The following ADAMTSL1 variants were observed in gnomAD, a reference collection of about 807,000 sequenced individuals.
The protein encoded by ADAMTSL1 is ADAMTS-like protein 1.
ADAMTSL1 carries 126 observed loss-of-function variants against 201.8 expected under a neutral mutation model. That is an observed-to-expected ratio of 0.62 (90% CI 0.54 to 0.72). The LOEUF (loss-of-function observed/expected upper bound fraction) is 0.72, where lower values mean the gene tolerates loss of function less well. Among genes scored for constraint, ADAMTSL1 ranks in the 30% least tolerant of loss-of-function variants. The probability of loss-of-function intolerance (pLI) is 0.00; values close to 1 mark genes in which losing one functional copy is unlikely to be tolerated. For missense variants in ADAMTSL1, 2,679 were observed against 2,277.8 expected (o/e 1.18, Z -3.59); for synonymous variants, 1,121 against 903.4 (o/e 1.24, Z -4.32).
chr9:18,635,813 C>G lies in ADAMTSL1; in HGVS notation c.602-130C>G, dbSNP rs41302220. On this transcript the variant is annotated intron_variant, in intron 5 of 28. Transcript: ENST00000380548. The stretch of plus-strand genomic sequence containing the variant: ...GAAAATGTTGATTTCTAAATATTGG[C>G]CTTCACATTTCAAACACTTAAAAAA... 2,869 of 681,062 alleles carry G rather than the reference C, an allele frequency of 4.2e-3. 16 individuals are homozygous for G. The highest frequency in any genetic ancestry group is 5.5e-3 in the Middle Eastern group (19 of 3,470). 42.2% of individuals were successfully genotyped at this position (681,062 alleles called of 1,614,324 possible).
chr9:18,121,062 A>T (rs890898035), intron 1 of ADAMTSL1, among the ~76,000 whole-genome samples: 6 of 152,152 alleles, frequency 3.9e-5, no homozygotes, highest in Admixed American at 3.9e-4. Flanking sequence ...ATTTTAAAAA[A>T]CCGTAGTTTA....
At chr9:18,833,837 C>G (rs1227428928) in intron 23 of ADAMTSL1, among the ~76,000 whole-genome samples, 1 of 152,130 alleles carries the variant, frequency 6.6e-6, no homozygotes, top group Non-Finnish European at 1.5e-5. Context: ...ACATTTAAGT[C>G]TTCAATCCAT....
intron 1 of ADAMTSL1, among the ~76,000 whole-genome samples, chr9:18,500,630 T>G (rs1447690480): frequency 6.6e-6 from 1 of 152,174 alleles, no homozygotes; most frequent in East Asian, 1.9e-4. Flanking sequence ...CTCAGGCGCT[T>G]CTTCTCTCAG....
chr9:18,255,710 C>G (rs1192173467), intron 2 of ADAMTSL1, among the ~76,000 whole-genome samples: 1 of 152,070 alleles, frequency 6.6e-6, no homozygotes, highest in Non-Finnish European at 1.5e-5. Flanking sequence ...TTTTCATATG[C>G]TGTTATTAAA....
chr9:18,116,908 C>T (rs1825275046), intron 1 of ADAMTSL1, among the ~76,000 whole-genome samples: 1 of 152,180 alleles, frequency 6.6e-6, no homozygotes, highest in South Asian at 2.1e-4. Context: ...GGACATCTCA[C>T]ATTTAAGTAT....
At chr9:18,071,537 A>G (rs7859417) in intron 1 of ADAMTSL1, among the ~76,000 whole-genome samples, 1,967 of 152,364 alleles carry the variant, frequency 0.013, 50 homozygotes, top group African/African-American at 0.044. Context: ...TTACTAGACT[A>G]TAACAATGCT....
intron 2 of ADAMTSL1, among the ~76,000 whole-genome samples, chr9:18,313,126 C>T (rs1476722894): frequency 6.6e-6 from 1 of 152,222 alleles, no homozygotes; most frequent in Non-Finnish European, 1.5e-5. Context: ...TGCTGGGCTA[C>T]ACTTCCAGAA....
chr9:18,486,830 G>A (rs754944235), intron 1 of ADAMTSL1, among the ~76,000 whole-genome samples: 2 of 152,198 alleles, frequency 1.3e-5, no homozygotes, highest in Non-Finnish European at 2.9e-5. Flanking sequence ...GTCTGAGGCT[G>A]TAGTAGTTTC....
At chr9:18,239,005 C>T (rs1830954949) in intron 2 of ADAMTSL1, among the ~76,000 whole-genome samples, 1 of 152,160 alleles carries the variant, frequency 6.6e-6, no homozygotes, top group Admixed American at 6.5e-5. Flanking sequence ...TTACACTATA[C>T]TGTAATCTAT....
At chr9:18,039,665 A>G (rs760911962) in intron 1 of ADAMTSL1, among the ~76,000 whole-genome samples, 7 of 152,194 alleles carry the variant, frequency 4.6e-5, no homozygotes, top group Admixed American at 2.0e-4. Context: ...GGAAAAGTCA[A>G]GTTAATGCTG....
At chr9:18,377,506 G>A (rs1837351805) in intron 2 of ADAMTSL1, among the ~76,000 whole-genome samples, 2 of 152,214 alleles carry the variant, frequency 1.3e-5, no homozygotes, top group South Asian at 4.2e-4. Flanking sequence ...AATTCATCAG[G>A]AGGGAATTTC....
At chr9:18,411,097 C>A (rs911207416) in intron 2 of ADAMTSL1, among the ~76,000 whole-genome samples, 1 of 151,446 alleles carries the variant, frequency 6.6e-6, no homozygotes, top group African/African-American at 2.4e-5. Flanking sequence ...CTCCTGACCT[C>A]ATCATCCACC....
chr9:18,740,476 A>C (rs525278), intron 15 of ADAMTSL1, among the ~76,000 whole-genome samples: 3 of 129,406 alleles, frequency 2.3e-5, no homozygotes, highest in Non-Finnish European at 4.7e-5. Context: ...TTTTTCTTTT[A>C]TCTTTTTTTT....
At chr9:18,391,330 T>A (rs946096738) in intron 2 of ADAMTSL1, among the ~76,000 whole-genome samples, 1 of 152,238 alleles carries the variant, frequency 6.6e-6, no homozygotes, top group African/African-American at 2.4e-5. Context: ...GGGAATTACA[T>A]CCGTGTTATA....
At chr9:18,470,713 C>G (rs1160676436), upstream of ADAMTSL1, among the ~76,000 whole-genome samples, 3 of 152,198 alleles carry the variant, frequency 2.0e-5, no homozygotes, top group Non-Finnish European at 4.4e-5. Flanking sequence ...AAGTTTAGCT[C>G]ACTCTTTCCT....
chr9:18,886,486 A>G (rs927768260), intron 23 of ADAMTSL1, among the ~76,000 whole-genome samples: 14 of 152,116 alleles, frequency 9.2e-5, no homozygotes, highest in African/African-American at 3.4e-4. Flanking sequence ...AGTCAGGCTG[A>G]TATAACAGAC....
intron 4 of ADAMTSL1, among the ~76,000 whole-genome samples, chr9:18,577,121 A>G (rs888598198): frequency 6.6e-6 from 1 of 152,188 alleles, no homozygotes; most frequent in Admixed American, 6.5e-5. Flanking sequence ...TATTGAAAAC[A>G]CTTTTCTTAT....
chr9:18,181,469 G>A (rs1037457918), intron 2 of ADAMTSL1, among the ~76,000 whole-genome samples: 1 of 151,864 alleles, frequency 6.6e-6, no homozygotes, highest in Non-Finnish European at 1.5e-5. Flanking sequence ...ATCAAAAAGT[G>A]GGCGAAGGAT....
chr9:18,566,370 T>G (rs990080483), intron 3 of ADAMTSL1, among the ~76,000 whole-genome samples: 29 of 152,300 alleles, frequency 1.9e-4, no homozygotes, highest in Admixed American at 7.8e-4. Context: ...GAGGTTCTGC[T>G]GTAGTAGACG....
Sources: gnomAD v4.1 joint callset for allele counts (sites outside exome capture counted in the v4.1 genomes callset) on GRCh38, gnomAD v4.1.1 for gene constraint, MANE v1.5 for transcripts, NCBI Gene and HGNC (gene_info 2026-07-23, HGNC 2026-07-21) for gene names.